SORL1: variants seen among roughly 807,000 people sequenced by gnomAD.
SORL1 encodes sortilin-related receptor.
In SORL1, 127 loss-of-function variants were observed where a neutral mutation model predicts 273.7. The observed-to-expected ratio is 0.46, with a 90% confidence interval of 0.40 to 0.54. The LOEUF is 0.54. Ranked by LOEUF, SORL1 falls within the 20% of genes least tolerant of loss-of-function variation. SORL1 has a pLI of 0.00. For synonymous variants in SORL1, 1,031 were observed against 1,067.4 expected, an observed-to-expected ratio of 0.97 and a Z score of 0.66; for missense variants, 2,494 against 2,846.1, an observed-to-expected ratio of 0.88 and a Z score of 2.81.
chr11:121,606,278 G>T lies in SORL1; in HGVS notation c.4949-567G>T, dbSNP rs769773672. On this transcript the variant is annotated intron_variant, in intron 35 of 47. Coordinates refer to ENST00000260197, the MANE Select transcript of SORL1 (RefSeq NM_003105.6). ...ATTTATGTGTCTAAGAGAGTTCCTC[G>T]CCTCCTCCCTACTTCAAAGTAGTTG... 3.9e-5 allele frequency among the ~76,000 whole-genome samples: 6 copies of T among 152,168 alleles called. No homozygotes were observed. In the East Asian group the frequency reaches 1.2e-3, roughly 29 times the overall value.
At chr11:121,571,210 A>G (rs1442387552) in intron 23 of SORL1, among the ~76,000 whole-genome samples, 1 of 152,224 alleles carries the variant, frequency 6.6e-6, no homozygotes, top group Non-Finnish European at 1.5e-5. Context: ...GGCCCTAGCA[A>G]AGAGCTCTGG....
chr11:121,556,019 A>G (rs779998065), intron 18 of SORL1, among the ~76,000 whole-genome samples: 1 of 152,202 alleles, frequency 6.6e-6, no homozygotes, highest in African/African-American at 2.4e-5. Context: ...GACGAAAGAC[A>G]CAGACTCGAG....
At chr11:121,582,283 T>A (rs939713072) in intron 25 of SORL1, among the ~76,000 whole-genome samples, 1 of 152,264 alleles carries the variant, frequency 6.6e-6, no homozygotes, top group Non-Finnish European at 1.5e-5. Context: ...GGCAGCTTAC[T>A]GCCAACTGTC....
chr11:121,478,526 C>T (rs982715437), intron 3 of SORL1, among the ~76,000 whole-genome samples: 8 of 152,184 alleles, frequency 5.3e-5, no homozygotes, highest in African/African-American at 9.7e-5. Context: ...ATACCTTGCC[C>T]GACTTGCAGA....
chr11:121,543,856 G>C, intron 13 of SORL1, 130 bp downstream of exon 13: 1 of 781,996 alleles, frequency 1.3e-6, no homozygotes, highest in Non-Finnish European at 2.0e-6. Flanking sequence ...GCCCATAAGA[G>C]TTAGCAAAAA....
chr11:121,607,991 T>A (rs1386489542), intron 37 of SORL1, 113 bp from the exon 38 acceptor site: 4 of 878,812 alleles, frequency 4.6e-6, no homozygotes, highest in Non-Finnish European at 7.1e-6. Flanking sequence ...TGTATAAAAT[T>A]TTTCCAGCCT....
intron 24 of SORL1, chr11:121,576,918 A>C: frequency 1.3e-6 from 2 of 1,535,656 alleles, no homozygotes; most frequent in African/African-American, 1.4e-5. Flanking sequence ...GTTTCTTGAA[A>C]GTTCTACTTC....
chr11:121,605,783 G>T (rs1302395397), intron 35 of SORL1, among the ~76,000 whole-genome samples: 7 of 152,180 alleles, frequency 4.6e-5, no homozygotes, highest in Non-Finnish European at 7.3e-5. Flanking sequence ...GTTAATTTAA[G>T]ATTCTCTCCA....
chr11:121,616,541 C>T (rs73595301), intron 41 of SORL1, among the ~76,000 whole-genome samples: 1,634 of 152,284 alleles, frequency 0.011, 33 homozygotes, highest in African/African-American at 0.037. Flanking sequence ...TGATGTCATC[C>T]TCCCTCTGTA....
At chr11:121,517,486 C>T (rs748985610) in intron 8 of SORL1, among the ~76,000 whole-genome samples, 2 of 152,214 alleles carry the variant, frequency 1.3e-5, no homozygotes, top group African/African-American at 4.8e-5. Flanking sequence ...CACTATCCCT[C>T]AGACCTTTCA....
chr11:121,507,537 A>G (rs1290416262), intron 6 of SORL1, among the ~76,000 whole-genome samples: 3 of 151,852 alleles, frequency 2.0e-5, no homozygotes, highest in Non-Finnish European at 2.9e-5. Context: ...TTCCTGGTTC[A>G]AATCTTCTGT....
intron 14 of SORL1, 134 bp downstream of exon 14, chr11:121,545,563 C>A: frequency 1.3e-6 from 1 of 799,228 alleles, no homozygotes; most frequent in Non-Finnish European, 2.0e-6. Context: ...TGTGAAGCAT[C>A]TTTTATGTGC....
chr11:121,554,189 A>C lies in SORL1; in HGVS notation c.2439+80A>C. Reference sequence around the variant, plus strand: ...TGATAAGCTGCATGCAGAATGGCCTATGGAAATGGGCAGTTAGAAGTTTGT... The same window carrying C: ...TGATAAGCTGCATGCAGAATGGCCTCTGGAAATGGGCAGTTAGAAGTTTGT... On this transcript the variant is annotated intron_variant, in intron 17 of 47. Coordinates refer to ENST00000260197, the MANE Select transcript of SORL1 (RefSeq NM_003105.6). The surrounding 1 kb of genome is among the most constrained non-coding windows in gnomAD (Gnocchi z 4.6). 1 of 1,300,996 alleles carries C rather than the reference A, an allele frequency of 7.7e-7. No homozygotes were observed. The highest frequency in any genetic ancestry group is 1.4e-5 in the South Asian group (1 of 72,600). 80.6% of individuals were successfully genotyped at this position (1,300,996 alleles called of 1,614,324 possible).
chr11:121,512,859 C>A, intron 6 of SORL1, 144 bp from the exon 7 acceptor site: 1 of 643,366 alleles, frequency 1.6e-6, no homozygotes, highest in Non-Finnish European at 2.7e-6. Context: ...GCAGACATTG[C>A]AAAAACATGA....
Position 121,591,076 on chromosome 11 carries a change from C to T in SORL1, c.4289C>T (p.Thr1430Ile), listed in dbSNP as rs1863206410. 1 of 1,614,080 alleles carries T rather than the reference C, an allele frequency of 6.2e-7. No individual in the cohort carries two copies. The highest frequency in any genetic ancestry group is 8.5e-7 in the Non-Finnish European group (1 of 1,180,018). The change falls in exon 31 of 48, where the codon ACC (threonine) becomes ATC (isoleucine). Residue 1430 changes from threonine to isoleucine, a missense_variant. Physicochemically the swap from Thr to Ile is moderately conservative, Grantham distance 89. This residue lies in a region of SORL1 where 1,609 missense variants were observed against 1,816.4 expected (regional missense o/e 0.89). Coordinates refer to ENST00000260197, the MANE Select transcript of SORL1 (RefSeq NM_003105.6). ...AATTACTACCGCTGCAGCAGTGGGACCTGCGTGATGGACACCTGGGTGTGC... is the reference window on the plus strand; with the variant it reads ...AATTACTACCGCTGCAGCAGTGGGATCTGCGTGATGGACACCTGGGTGTGC... The part of the protein sequence containing the change: ...LPNYYRCSSG[T>I]CVMDTWVCDG...
chr11:121,550,859 G>A lies in SORL1; in HGVS notation c.2266+189G>A, dbSNP rs1450228084. ...ACTGAACTTGTACATAGCCATACCC[G>A]TTTTTAGGAATGGAAAGTACTTTGT... On this transcript the variant is annotated intron_variant, in intron 16 of 47. Transcript: ENST00000260197. This position sits in a 1 kb window ranked among gnomAD's most constrained non-coding sequence, Gnocchi z 5.3. Among the ~76,000 whole-genome samples, 2 of 152,152 alleles carry A rather than the reference G, an allele frequency of 1.3e-5. No homozygotes were observed. Among genetic ancestry groups the A allele is most frequent in the East Asian group, 1.9e-4 (1 of 5,204 alleles).
chr11:121,612,164 A>G (rs890781177), intron 39 of SORL1: 1 of 152,554 alleles, frequency 6.6e-6, no homozygotes, highest in African/African-American at 2.4e-5. Flanking sequence ...AAGAAAAGAA[A>G]GAAAAAAGAA....
intron 1 of SORL1, among the ~76,000 whole-genome samples, chr11:121,458,245 T>C (rs661057): frequency 0.41 from 61,785 of 152,094 alleles, 13,147 homozygotes; most frequent in East Asian, 0.55. Flanking sequence ...CTTTGATCTA[T>C]TGATAAGGGA....
intron 1 of SORL1, among the ~76,000 whole-genome samples, chr11:121,455,140 A>G (rs1312180107): frequency 1.3e-5 from 2 of 152,120 alleles, no homozygotes; most frequent in Admixed American, 6.5e-5. Flanking sequence ...TCCTGCTTTT[A>G]GGAAATTTAC....
Sources: allele counts gnomAD v4.1 joint callset (sites outside exome capture counted in the v4.1 genomes callset), GRCh38; gene constraint gnomAD v4.1.1; regional missense constraint gnomAD v4.1.1; non-coding constraint Gnocchi (gnomAD v3.1); transcripts MANE v1.5; gene names NCBI Gene and HGNC (gene_info 2026-07-23, HGNC 2026-07-21).